MTMR10: variants seen among roughly 807,000 people sequenced by gnomAD.
MTMR10 encodes myotubularin related protein 10.
Under a neutral mutation model 88.1 loss-of-function variants are expected in MTMR10, and 56 were observed. The observed-to-expected ratio is 0.64, with a 90% CI of 0.51 to 0.79. The LOEUF (loss-of-function observed/expected upper bound fraction) is 0.79. MTMR10 is among the 30% of genes least tolerant of loss of function. The probability of loss-of-function intolerance (pLI) is 0.00; values close to 1 mark genes in which losing one functional copy is unlikely to be tolerated. For missense variants in MTMR10, 883 were observed against 924.7 expected (o/e 0.95, Z 0.58); for synonymous variants, 380 against 340.9 (o/e 1.11, Z -1.26).
chr15:30,938,724 G>A (rs1256006199), downstream of MTMR10, among the ~76,000 whole-genome samples: 1 of 152,132 alleles, frequency 6.6e-6, no homozygotes, highest in African/African-American at 2.4e-5. Context: ...TTTATTGAAT[G>A]GAAGGACCAG....
rs1238891104 is a variant in MTMR10, at chr15:30,976,984, T to A, written c.122-29A>T. 3 of 1,601,106 alleles carry A rather than the reference T, an allele frequency of 1.9e-6. No homozygotes were observed. In the African/African-American group the frequency reaches 4.0e-5, roughly 22 times the overall value. On this transcript the variant is annotated intron_variant, in intron 2 of 15. Transcript: ENST00000435680. ...TAAAAAAAGAAAAATATTTGTAAGG[T>A]ACTTTGTCATAAAATACCAACGGTC...
chr15:30,939,725 A>T lies in MTMR10; in HGVS notation c.*1745T>A. ...AATCCAAAACATTTAGTAATAATAA[A>T]AAAGCAGCTAAATGAAAAAGGGAGA... On this transcript the variant is annotated 3_prime_UTR_variant, in exon 16 of 16. Transcript: ENST00000435680. 3 of 980,566 alleles carry T rather than the reference A, an allele frequency of 3.1e-6. No individual in the cohort carries two copies. Among genetic ancestry groups the T allele is most frequent in the Non-Finnish European group, 2.4e-6 (2 of 825,484 alleles). 60.7% of individuals were successfully genotyped at this position (980,566 alleles called of 1,614,324 possible). A position where few individuals can be genotyped will look rare whatever the true frequency, so the allele number is the denominator to read the frequency against.
At chr15:30,920,987 T>G in the MTMR10 span, among the ~76,000 whole-genome samples, 2 of 152,212 alleles carry the variant, frequency 1.3e-5, no homozygotes, top group African/African-American at 4.8e-5. Flanking sequence ...TTTCACCATG[T>G]TGCTCAGGCT....
At chr15:30,990,749 A>G (rs1019361749) in intron 2 of MTMR10, 28 bp downstream of exon 2, 2 of 1,588,958 alleles carry the variant, frequency 1.3e-6, no homozygotes, top group African/African-American at 2.7e-5. Flanking sequence ...TTGCTAAAGT[A>G]TCTGTTAGAA....
the MTMR10 span, among the ~76,000 whole-genome samples, chr15:30,919,992 T>G: frequency 6.6e-6 from 1 of 152,186 alleles, no homozygotes; most frequent in African/African-American, 2.4e-5. Context: ...AAACAGAGGT[T>G]GATAAACTTC....
chr15:30,968,534 A>AACACACACACACAC lies in MTMR10; in HGVS notation c.475-538_475-525dup, dbSNP rs61503155. 8.1e-3 allele frequency among the ~76,000 whole-genome samples: 1,160 copies of AACACACACACACAC among 143,138 alleles called. 8 individuals are homozygous for AACACACACACACAC. Among genetic ancestry groups the AACACACACACACAC allele is most frequent in the African/African-American group, 0.023 (846 of 37,470 alleles). 93.9% of individuals were successfully genotyped at this position (143,138 alleles called of 152,430 possible). On this transcript the variant is annotated intron_variant, in intron 5 of 15. Coordinates refer to ENST00000435680, the MANE Select transcript of MTMR10 (RefSeq NM_017762.3). ...GCTCAAAGAGGTACATCAAAAAAACAACACACACACACACACACACACACA... is the reference window on the plus strand; with the variant it reads ...GCTCAAAGAGGTACATCAAAAAAACAACACACACACACACACACACACACACACACACACACACA...
chr15:30,984,305 G>A (rs1167624559), intron 2 of MTMR10, among the ~76,000 whole-genome samples: 1 of 152,162 alleles, frequency 6.6e-6, no homozygotes, highest in African/African-American at 2.4e-5. Context: ...GGAATGGACA[G>A]CTCCAAACAT....
intron 15 of MTMR10, chr15:30,942,509 A>T (rs994969424): frequency 3.7e-6 from 1 of 271,082 alleles, no homozygotes; most frequent in African/African-American, 2.2e-5. Context: ...TTTGGGAATT[A>T]TTAAAAAGGC....
chr15:30,939,880 A>G lies in MTMR10; in HGVS notation c.*1590T>C, dbSNP rs1276520507. 6 of 985,426 alleles carry G rather than the reference A, an allele frequency of 6.1e-6. No homozygotes were observed. The highest frequency in any genetic ancestry group is 7.2e-6 in the Non-Finnish European group (6 of 829,882). 61.0% of individuals were successfully genotyped at this position (985,426 alleles called of 1,614,324 possible). On this transcript the variant is annotated 3_prime_UTR_variant, in exon 16 of 16. Coordinates refer to ENST00000435680, the MANE Select transcript of MTMR10 (RefSeq NM_017762.3). ...AAACTGAAACTAGCCCTTATTTTCT[A>G]GGCAACAAGTTGGCAAAAACCTTGG...
chr15:30,956,517 G>A (rs2063330304), intron 9 of MTMR10, among the ~76,000 whole-genome samples: 2 of 152,202 alleles, frequency 1.3e-5, no homozygotes, highest in African/African-American at 4.8e-5. Context: ...AATGAATAGA[G>A]AAGCAATGTA....
chr15:30,938,116 GGA>G (rs1308670569), downstream of MTMR10, among the ~76,000 whole-genome samples: 1 of 151,872 alleles, frequency 6.6e-6, no homozygotes, highest in Non-Finnish European at 1.5e-5. Flanking sequence ...CCCGGGAGGT[GGA>G]GCTTGCAGTG....
the MTMR10 span, among the ~76,000 whole-genome samples, chr15:30,930,922 A>G: frequency 6.6e-6 from 1 of 152,178 alleles, no homozygotes; most frequent in South Asian, 2.1e-4. Flanking sequence ...ATGATGTTCC[A>G]TCACTCCTGC....
chr15:30,954,952 A>T, intron 9 of MTMR10, 59 bp from the exon 10 acceptor site: 1 of 1,433,706 alleles, frequency 7.0e-7, no homozygotes, highest in East Asian at 2.5e-5. Context: ...TATTTATTTA[A>T]CCCTTACTAT....
the MTMR10 span, chr15:30,926,794 G>A: frequency 2.0e-6 from 2 of 985,288 alleles, no homozygotes; most frequent in East Asian, 2.3e-4. Flanking sequence ...TTTCAGTTGA[G>A]CCATGAGCCT....
At chr15:30,977,610 C>G (rs541853569) in intron 2 of MTMR10, among the ~76,000 whole-genome samples, 7 of 150,784 alleles carry the variant, frequency 4.6e-5, no homozygotes, top group Non-Finnish European at 7.4e-5. Context: ...ATCATTAAAC[C>G]TTAATTTCAA....
At chr15:30,954,552 AT>A (rs138342774) in intron 10 of MTMR10, among the ~76,000 whole-genome samples, 2,266 of 152,196 alleles carry the variant, frequency 0.015, 55 homozygotes, top group African/African-American at 0.052. Flanking sequence ...TAATACACTC[AT>A]TTTTCCCCCT....
chr15:30,975,472 T>C (rs561212779), intron 3 of MTMR10, among the ~76,000 whole-genome samples: 2 of 152,322 alleles, frequency 1.3e-5, no homozygotes, highest in Admixed American at 1.3e-4. Context: ...CTGCTGTCAG[T>C]AGGGCACTGG....
Position 30,942,964 on chromosome 15 carries a change from G to A in MTMR10, c.1657C>T (p.His553Tyr). The change falls in exon 15 of 16, where the codon CAT becomes TAT. Residue 553 changes from histidine to tyrosine, a missense_variant. By Grantham distance (83) the His-to-Tyr change is moderately conservative (BLOSUM62 2). Transcript: ENST00000435680. The part of the protein sequence containing the change: ...QFTAKDRTLF[H>Y]NPFYIGKSTP... The stretch of plus-strand genomic sequence containing the variant: ...CTCTTTCCAATGTAGAAGGGGTTAT[G>A]GAAAAGGGTGCGATCCTTTGCTGTA... The A allele has an allele frequency of 1.9e-6, 3 of 1,559,450 alleles. No individual in the cohort carries two copies. The highest frequency in any genetic ancestry group is 2.6e-6 in the Non-Finnish European group (3 of 1,150,020).
the MTMR10 span, chr15:30,925,229 T>C: frequency 4.3e-6 from 7 of 1,613,942 alleles, no homozygotes; most frequent in Non-Finnish European, 5.1e-6. Context: ...GTCTCCGAGC[T>C]GTAAAAAGTT....
Sources: allele counts gnomAD v4.1 joint callset (sites outside exome capture counted in the v4.1 genomes callset), GRCh38; gene constraint gnomAD v4.1.1; transcripts MANE v1.5; gene names NCBI Gene and HGNC (gene_info 2026-07-23, HGNC 2026-07-21).